Variants in MAP3K21 observed in about 807,000 individuals in gnomAD.
MAP3K21 encodes the protein mitogen-activated protein kinase kinase kinase 21.
A neutral mutation model predicts 86.1 loss-of-function variants in MAP3K21; 63 were observed. The observed-to-expected ratio is 0.73, with a 90% CI of 0.60 to 0.90. MAP3K21 has a LOEUF of 0.90. Among genes scored for constraint, MAP3K21 ranks in the 40% least tolerant of loss-of-function variants. The pLI is 0.00. For missense variants in MAP3K21, 1,220 were observed against 1,367.7 expected (o/e 0.89, Z 1.70); for synonymous variants, 558 against 564.8 (o/e 0.99, Z 0.17).
intron 1 of MAP3K21, among the ~76,000 whole-genome samples, chr1:233,336,599 T>C (rs1289951878): frequency 2.5e-4 from 38 of 152,058 alleles, no homozygotes; most frequent in Admixed American, 2.4e-3. Context: ...AATTATTCAC[T>C]TACAAAAATT....
At chr1:233,342,635 C>A (rs1663056729) in intron 1 of MAP3K21, among the ~76,000 whole-genome samples, 1 of 152,082 alleles carries the variant, frequency 6.6e-6, no homozygotes, top group African/African-American at 2.4e-5. Context: ...ATGTGAGTAG[C>A]AAATGATAGG....
rs560326688 is a variant in MAP3K21, at chr1:233,370,385, C to T, written c.1553-1653C>T. The stretch of plus-strand genomic sequence containing the variant: ...GATTCAGATCTAAGTTTGCTAACTC[C>T]ATAACCTGGAATATAAATTTCTCTA... On this transcript the variant is annotated intron_variant, in intron 5 of 9. Transcript: ENST00000366624. 2.2e-4 allele frequency among the ~76,000 whole-genome samples: 33 copies of T among 152,250 alleles called. No homozygotes were observed. In the East Asian group the frequency reaches 6.4e-3, roughly 29 times the overall value.
intron 2 of MAP3K21, 82 bp downstream of exon 2, chr1:233,346,704 T>G: frequency 8.2e-7 from 1 of 1,223,154 alleles, no homozygotes. Context: ...TCAGTAATTC[T>G]CAGCATAAAT....
intron 4 of MAP3K21, among the ~76,000 whole-genome samples, chr1:233,356,394 G>T (rs1321670242): frequency 6.6e-6 from 1 of 152,174 alleles, no homozygotes; most frequent in Admixed American, 6.5e-5. Flanking sequence ...AGTACAGTTT[G>T]TTAATATATG....
chr1:233,338,684 G>A (rs1468532884), intron 1 of MAP3K21, among the ~76,000 whole-genome samples: 2 of 152,178 alleles, frequency 1.3e-5, no homozygotes. Flanking sequence ...TGGGAGAAAA[G>A]TGAAGGTGGG....
chr1:233,342,120 G>T (rs183777940), intron 1 of MAP3K21, among the ~76,000 whole-genome samples: 6 of 152,160 alleles, frequency 3.9e-5, no homozygotes, highest in African/African-American at 1.4e-4. Flanking sequence ...ATATTCATAG[G>T]GAATAAGGAC....
At chr1:233,353,044 G>A (rs1663279279) in intron 2 of MAP3K21, among the ~76,000 whole-genome samples, 1 of 152,182 alleles carries the variant, frequency 6.6e-6, no homozygotes, top group Admixed American at 6.5e-5. Context: ...AAACATTCAT[G>A]TAGAAATCCT....
intron 1 of MAP3K21, among the ~76,000 whole-genome samples, chr1:233,341,936 G>A (rs1663045845): frequency 6.6e-6 from 1 of 151,842 alleles, no homozygotes; most frequent in African/African-American, 2.4e-5. Flanking sequence ...GTTTAAAGGT[G>A]AAATTAATGG....
Position 233,328,234 on chromosome 1 carries a change from C to T in MAP3K21, c.206C>T (p.Ser69Leu), listed in dbSNP as rs1461113160. 2.0e-6 allele frequency: 3 copies of T among 1,490,108 alleles called. No homozygotes were observed. Among genetic ancestry groups the T allele is most frequent in the Non-Finnish European group, 2.7e-6 (3 of 1,128,250 alleles). 92.3% of individuals were successfully genotyped at this position (1,490,108 alleles called of 1,614,324 possible). Residue 69 changes from serine (S) to leucine (L), a missense_variant, in exon 1 of 10, where the codon TCG (serine) becomes TTG (leucine). Physicochemically the swap from Ser to Leu is moderately radical, Grantham distance 145 (BLOSUM62 -2). Transcript: ENST00000366624. This position sits in a 1 kb window ranked among gnomAD's most constrained non-coding sequence, Gnocchi z 8.7. Reference protein sequence around the residue: ...LRRGQLVEVLSQDAAVSGDEG... With the variant: ...LRRGQLVEVLLQDAAVSGDEG... ...CGCGGCCAGCTGGTGGAGGTGCTGT[C>T]GCAGGACGCCGCCGTGTCGGGCGAC...
intron 6 of MAP3K21, chr1:233,372,552 C>T (rs778917074): frequency 1.4e-5 from 3 of 219,568 alleles, no homozygotes; most frequent in East Asian, 9.6e-5. Flanking sequence ...TTCTTTGTTT[C>T]GTGAGGGGAA....
intron 5 of MAP3K21, among the ~76,000 whole-genome samples, chr1:233,370,065 T>C (rs1333802022): frequency 6.6e-6 from 1 of 152,110 alleles, no homozygotes; most frequent in Non-Finnish European, 1.5e-5. Flanking sequence ...GAAGTGGACT[T>C]GGGGGGCCAA....
At chr1:233,361,368 T>C (rs1663462894) in intron 4 of MAP3K21, among the ~76,000 whole-genome samples, 1 of 152,238 alleles carries the variant, frequency 6.6e-6, no homozygotes, top group Non-Finnish European at 1.5e-5. Flanking sequence ...ATAATTTCCA[T>C]GTATCAGCGG....
At chr1:233,346,780 GA>G (rs1394425517) in intron 2 of MAP3K21, among the ~76,000 whole-genome samples, 158 bp downstream of exon 2, 1 of 152,186 alleles carries the variant, frequency 6.6e-6, no homozygotes, top group African/African-American at 2.4e-5. Flanking sequence ...CAACGGAACA[GA>G]TAATTTGATG....
intron 1 of MAP3K21, among the ~76,000 whole-genome samples, chr1:233,345,721 C>G (rs890486589): frequency 9.3e-6 from 1 of 107,846 alleles, no homozygotes; most frequent in African/African-American, 3.6e-5. Context: ...CCCTAGAACT[C>G]AAAGTATAAT....
rs560863350 is a variant in MAP3K21, at chr1:233,384,306, T to C, written c.*1595T>C. 2.0e-5 allele frequency: 3 copies of C among 152,330 alleles called. No homozygotes were observed. In the South Asian group the frequency reaches 6.2e-4, roughly 32 times the overall value. 9.4% of individuals were successfully genotyped at this position (152,330 alleles called of 1,614,324 possible). The stretch of plus-strand genomic sequence containing the variant: ...TTGCCTAACAGGTATATCCAGCAGA[T>C]GAGAAACAGTATGAAAGGATTGTAT... On this transcript the variant is annotated 3_prime_UTR_variant, in exon 10 of 10. Transcript: ENST00000366624.
At chr1:233,353,744 A>G in intron 2 of MAP3K21, 63 bp from the exon 3 acceptor site, 1 of 1,412,468 alleles carries the variant, frequency 7.1e-7, no homozygotes, top group South Asian at 1.7e-5. Context: ...TTATCTCACT[A>G]AGTGTGTCAT....
chr1:233,383,376 G>A lies in MAP3K21; in HGVS notation c.*665G>A, dbSNP rs1244130905. On this transcript the variant is annotated 3_prime_UTR_variant, in exon 10 of 10. Coordinates refer to ENST00000366624, the MANE Select transcript of MAP3K21 (RefSeq NM_032435.3). The stretch of plus-strand genomic sequence containing the variant: ...TCTCTCTGAGGAAATTATACGGAAT[G>A]TAACTTATAAAAGCTTTACTGAATA... 8.2e-6 allele frequency: 1 copy of A among 122,314 alleles called. No individual in the cohort carries two copies. The highest frequency in any genetic ancestry group is 3.0e-5 in the African/African-American group (1 of 33,888). 7.6% of individuals were successfully genotyped at this position (122,314 alleles called of 1,614,324 possible). A position where few individuals can be genotyped will look rare whatever the true frequency, so the allele number is the denominator to read the frequency against.
chr1:233,351,225 C>T (rs1387175152), intron 2 of MAP3K21, among the ~76,000 whole-genome samples: 1 of 152,036 alleles, frequency 6.6e-6, no homozygotes, highest in African/African-American at 2.4e-5. Flanking sequence ...AAAGGAAACA[C>T]ATAAGCTTTG....
At chr1:233,345,549 A>G (rs933216671) in intron 1 of MAP3K21, among the ~76,000 whole-genome samples, 1 of 140,126 alleles carries the variant, frequency 7.1e-6, no homozygotes, top group South Asian at 2.4e-4. Flanking sequence ...ATTTGGACAC[A>G]GGGTGGGGAA....
Sources: gnomAD v4.1 joint callset for allele counts (sites outside exome capture counted in the v4.1 genomes callset) on GRCh38, gnomAD v4.1.1 for gene constraint, Gnocchi (gnomAD v3.1) non-coding constraint, MANE v1.5 for transcripts, NCBI Gene and HGNC (gene_info 2026-07-23, HGNC 2026-07-21) for gene names.